The following MTMR8 variants were observed in gnomAD, a reference collection of about 807,000 sequenced individuals.
The protein encoded by MTMR8 is phosphatidylinositol-3,5-bisphosphate 3-phosphatase MTMR8.
Under a neutral mutation model 39.3 loss-of-function variants are expected in MTMR8, and 65 were observed. That is an observed-to-expected ratio of 1.65 (90% CI 1.35 to 2.03). MTMR8 has a LOEUF of 2.03. Among genes scored for constraint, MTMR8 ranks in the 30% most tolerant of loss-of-function variants. The pLI, the probability that MTMR8 is intolerant of heterozygous loss-of-function variation, is 0.00. For missense variants in MTMR8, 777 were observed against 538.9 expected (o/e 1.44, Z -4.37); for synonymous variants, 245 against 185.2 (o/e 1.32, Z -2.62).
chrX:64,391,881 C>T (rs181060798), intron 1 of MTMR8, among the ~76,000 whole-genome samples: 4 of 112,157 alleles, frequency 3.6e-5, no homozygotes, highest in East Asian at 2.8e-4. Context: ...AAAGTATGCA[C>T]TCTTAAACCA....
In MTMR8 at chrX:64,328,836, G is replaced by T. The variant is rs768821897; in HGVS notation, c.1417C>A (p.Pro473Thr). Residue 473 changes from proline to threonine, a missense_variant, in exon 12 of 14, where the codon CCT becomes ACT. Physicochemically the swap from Pro to Thr is conservative, Grantham distance 38 (BLOSUM62 -1). Transcript: ENST00000374852. ...TACATAGTGAAGCCTTTATAGAGAG[G>T]GTTCCTGAAGTCTGGTTTCCTCTGA... Reference protein sequence around the residue: ...LVQRKPDFRNPLYKGFTMYGV... With the variant: ...LVQRKPDFRNTLYKGFTMYGV... 3.3e-6 allele frequency: 4 copies of T among 1,202,187 alleles called. No homozygotes were observed. The highest frequency in any genetic ancestry group is 1.8e-5 in the South Asian group (1 of 55,452).
intron 12 of MTMR8, among the ~76,000 whole-genome samples, chrX:64,298,124 C>A (rs1401469972): frequency 1.2e-5 from 1 of 86,566 alleles, no homozygotes; most frequent in Non-Finnish European, 2.3e-5. Flanking sequence ...TGAAGAAAGT[C>A]ATTGGTAGCT....
At chrX:64,374,961 C>A (rs1423735931) in intron 1 of MTMR8, among the ~76,000 whole-genome samples, 1 of 107,275 alleles carries the variant, frequency 9.3e-6, no homozygotes, top group African/African-American at 3.4e-5. Flanking sequence ...CTTAAAGCCT[C>A]CAGAGAGAGG....
At chrX:64,325,269 A>T (rs1343994957) in intron 12 of MTMR8, among the ~76,000 whole-genome samples, 1 of 112,099 alleles carries the variant, frequency 8.9e-6, no homozygotes, top group African/African-American at 3.2e-5. Flanking sequence ...AGTCGGCACA[A>T]CTGAAGAGGA....
In MTMR8 at chrX:64,271,080, T is replaced by A. The variant is rs1304948924; in HGVS notation, c.1482-7A>T. 8.5e-7 allele frequency: 1 copy of A among 1,179,807 alleles called. No individual in the cohort carries two copies. Among genetic ancestry groups the A allele is most frequent in the Admixed American group, 2.5e-5 (1 of 40,284 alleles). Reference sequence around the variant, plus strand: ...ATACATCCCACACCAGAACCTCAAATAGACAAAAATGGGGGGAAAAGTGGG... The same window carrying A: ...ATACATCCCACACCAGAACCTCAAAAAGACAAAAATGGGGGGAAAAGTGGG... On this transcript the variant is annotated splice_polypyrimidine_tract_variant and splice_region_variant and intron_variant, in intron 12 of 13. Coordinates refer to ENST00000374852, the MANE Select transcript of MTMR8 (RefSeq NM_017677.4).
At chrX:64,363,089 G>C (rs1383510086) in intron 1 of MTMR8, among the ~76,000 whole-genome samples, 4 of 111,702 alleles carry the variant, frequency 3.6e-5, no homozygotes, top group Non-Finnish European at 7.5e-5. Flanking sequence ...TGTTGGTAGG[G>C]TTCAAGGCAT....
At chrX:64,317,104 T>G (rs1387090193) in intron 12 of MTMR8, among the ~76,000 whole-genome samples, 3 of 94,921 alleles carry the variant, frequency 3.2e-5, no homozygotes, top group African/African-American at 1.4e-4. Flanking sequence ...AGAGCGAGAC[T>G]GTGTCTCAAA....
At chrX:64,317,413 T>C (rs1422503486) in intron 12 of MTMR8, among the ~76,000 whole-genome samples, 1 of 111,789 alleles carries the variant, frequency 8.9e-6, no homozygotes, top group African/African-American at 3.3e-5. Context: ...TCTCCCAGAC[T>C]GGGTACTTTC....
At chrX:64,287,600 A>G (rs1237158919) in intron 12 of MTMR8, among the ~76,000 whole-genome samples, 1 of 111,014 alleles carries the variant, frequency 9.0e-6, no homozygotes. Context: ...ACAGCATGGT[A>G]CTGCTACCAA....
chrX:64,317,394 C>T (rs369735613), intron 12 of MTMR8, among the ~76,000 whole-genome samples: 6 of 111,092 alleles, frequency 5.4e-5, no homozygotes, highest in East Asian at 5.7e-4. Flanking sequence ...TTATTTTTTT[C>T]GTCAGTTTTC....
intron 1 of MTMR8, among the ~76,000 whole-genome samples, chrX:64,392,348 CAT>C (rs1162068696): frequency 8.9e-6 from 1 of 112,237 alleles, no homozygotes; most frequent in East Asian, 2.8e-4. Flanking sequence ...GTTAACAAAA[CAT>C]AATATAGCAA....
chrX:64,319,807 C>G (rs759969853), intron 12 of MTMR8, among the ~76,000 whole-genome samples: 28 of 111,048 alleles, frequency 2.5e-4, no homozygotes, highest in East Asian at 2.8e-4. Context: ...GTTACTGTAG[C>G]CTTGTAATAT....
At chrX:64,286,412 A>T (rs970988806) in intron 12 of MTMR8, among the ~76,000 whole-genome samples, 2 of 112,198 alleles carry the variant, frequency 1.8e-5, no homozygotes, top group Admixed American at 9.4e-5. Flanking sequence ...ATTCCTTCTG[A>T]AACTACTCCA....
chrX:64,385,411 C>T (rs1924532576), intron 1 of MTMR8, among the ~76,000 whole-genome samples: 1 of 112,197 alleles, frequency 8.9e-6, no homozygotes, highest in Non-Finnish European at 1.9e-5. Context: ...TCCAAAGCTG[C>T]TTCCAGGTTT....
intron 12 of MTMR8, among the ~76,000 whole-genome samples, chrX:64,318,563 C>G (rs1376084880): frequency 9.0e-6 from 1 of 110,935 alleles, no homozygotes; most frequent in African/African-American, 3.3e-5. Flanking sequence ...AGTCAATCTG[C>G]CTTCTACTCT....
intron 12 of MTMR8, among the ~76,000 whole-genome samples, chrX:64,318,704 TTTTG>T (rs1175786175): frequency 0.018 from 1,750 of 95,652 alleles, 12 homozygotes; most frequent in Middle Eastern, 0.03. Context: ...TGGTTTGGTT[TTTTG>T]TTTTTTTTTT....
chrX:64,301,330 T>C (rs1158823596), intron 12 of MTMR8, among the ~76,000 whole-genome samples: 2 of 106,948 alleles, frequency 1.9e-5, no homozygotes, highest in African/African-American at 6.8e-5. Flanking sequence ...ATTCATTTCG[T>C]CTTCCATTGC....
chrX:64,388,558 G>C (rs1395568345), intron 1 of MTMR8, among the ~76,000 whole-genome samples: 2 of 112,223 alleles, frequency 1.8e-5, no homozygotes, highest in African/African-American at 6.5e-5. Context: ...TCCAACTAAA[G>C]CAAATTTCAG....
intron 1 of MTMR8, among the ~76,000 whole-genome samples, chrX:64,363,260 C>T (rs765178911): frequency 8.9e-6 from 1 of 111,813 alleles, no homozygotes; most frequent in Non-Finnish European, 1.9e-5. Flanking sequence ...GATACTTGTC[C>T]CCACCCAAAT....
Sources: allele counts gnomAD v4.1 joint callset (sites outside exome capture counted in the v4.1 genomes callset), GRCh38; gene constraint gnomAD v4.1.1; transcripts MANE v1.5; gene names NCBI Gene and HGNC (gene_info 2026-07-23, HGNC 2026-07-21).